The following ART3 variants were observed in gnomAD, a reference collection of about 807,000 sequenced individuals.
The protein encoded by ART3 is ecto-ADP-ribosyltransferase 3.
In ART3, 49 loss-of-function variants were observed where a neutral mutation model predicts 48.5. That is an observed-to-expected ratio of 1.01 (90% CI 0.80 to 1.28). The LOEUF (loss-of-function observed/expected upper bound fraction) is 1.28, where lower values mean the gene tolerates loss of function less well. Ranked by LOEUF, ART3 falls within the 50% of genes most tolerant of loss-of-function variation. The probability of loss-of-function intolerance (pLI) is 0.00; values close to 1 mark genes in which losing one functional copy is unlikely to be tolerated. For missense variants in ART3, 438 were observed against 454.3 expected, an observed-to-expected ratio of 0.96 and a Z score of 0.33; for synonymous variants, 145 against 157.2, an observed-to-expected ratio of 0.92 and a Z score of 0.58.
At chr4:76,040,219 C>A (rs923905564) in intron 1 of ART3, among the ~76,000 whole-genome samples, 18 of 152,090 alleles carry the variant, frequency 1.2e-4, no homozygotes, top group African/African-American at 4.3e-4. Context: ...CAGCTACTTG[C>A]AAGGTTGAGG....
At chr4:76,041,018 A>G (rs1041279945) in intron 1 of ART3, 1 of 152,114 alleles carries the variant, frequency 6.6e-6, no homozygotes, top group African/African-American at 2.4e-5. Context: ...TCATTTATTC[A>G]TTTACTCATT....
intron 3 of ART3, among the ~76,000 whole-genome samples, chr4:76,091,766 C>CT (rs1163901830): frequency 6.7e-6 from 1 of 149,938 alleles, no homozygotes; most frequent in East Asian, 2.0e-4. Context: ...ACTGCAACCT[C>CT]TGCTTCCTGG....
chr4:76,027,299 G>A (rs1297454185), intron 1 of ART3, among the ~76,000 whole-genome samples: 2 of 152,090 alleles, frequency 1.3e-5, no homozygotes, highest in African/African-American at 4.8e-5. Context: ...AGTACCAAAT[G>A]AGTGGTATAG....
chr4:76,106,800 C>T (rs527899147), intron 10 of ART3, among the ~76,000 whole-genome samples: 36 of 152,248 alleles, frequency 2.4e-4, no homozygotes, highest in Admixed American at 2.1e-3. Context: ...CTTCTGGCTG[C>T]TTGTAGTTAG....
At chr4:76,028,838 T>C (rs1733637745) in intron 1 of ART3, among the ~76,000 whole-genome samples, 1 of 152,158 alleles carries the variant, frequency 6.6e-6, no homozygotes, top group South Asian at 2.1e-4. Context: ...CATCATGGCA[T>C]TGGAGGAGGC....
At chr4:76,059,470 G>A (rs1673687314) in intron 1 of ART3, among the ~76,000 whole-genome samples, 1 of 143,180 alleles carries the variant, frequency 7.0e-6, no homozygotes, top group African/African-American at 2.6e-5. Flanking sequence ...TAAAAAATCT[G>A]TTAAATTTAT....
chr4:76,086,059 T>TCCCCCC (rs67789570), intron 3 of ART3, among the ~76,000 whole-genome samples: 1 of 130,718 alleles, frequency 7.7e-6, no homozygotes, highest in African/African-American at 2.9e-5. Context: ...TCAACAAGAG[T>TCCCCCC]CCCCCCCCCC....
intron 1 of ART3, among the ~76,000 whole-genome samples, chr4:76,056,429 A>G (rs1238781794): frequency 6.6e-6 from 1 of 152,206 alleles, no homozygotes; most frequent in African/African-American, 2.4e-5. Flanking sequence ...GACTTTGAAC[A>G]TATTCTAAAA....
At chr4:76,057,172 A>G (rs1327473110) in intron 1 of ART3, among the ~76,000 whole-genome samples, 1 of 152,144 alleles carries the variant, frequency 6.6e-6, no homozygotes, top group Admixed American at 6.5e-5. Flanking sequence ...GATATGTGTT[A>G]TTATTAGTGA....
At chr4:76,048,221 A>G (rs955391252) in intron 1 of ART3, among the ~76,000 whole-genome samples, 11 of 151,888 alleles carry the variant, frequency 7.2e-5, no homozygotes, top group Admixed American at 7.2e-4. Flanking sequence ...TCCCTCAATG[A>G]AAAGAAAGCT....
At chr4:76,061,991 G>A (rs1578373856) in intron 1 of ART3, among the ~76,000 whole-genome samples, 1 of 152,242 alleles carries the variant, frequency 6.6e-6, no homozygotes, top group Admixed American at 6.5e-5. Flanking sequence ...AATAGTTTGA[G>A]GGTAGCCTTT....
intron 1 of ART3, chr4:76,035,927 C>T (rs749029946): frequency 1.2e-6 from 2 of 1,611,970 alleles, no homozygotes; most frequent in Admixed American, 3.3e-5. Context: ...TACTGCATAC[C>T]TTGAACAACT....
intron 1 of ART3, chr4:76,034,862 T>C: frequency 6.5e-6 from 10 of 1,529,424 alleles, no homozygotes; most frequent in Non-Finnish European, 9.0e-6. Context: ...CTGTTCTTGT[T>C]TCCCCCAGGA....
At chr4:76,015,539 G>C (rs1405126901) in intron 1 of ART3, among the ~76,000 whole-genome samples, 1 of 152,166 alleles carries the variant, frequency 6.6e-6, no homozygotes, top group African/African-American at 2.4e-5. Context: ...AAATTCAATA[G>C]CTGAAAGGCA....
At position 76,100,319 on chromosome 4, in the gene ART3, T is replaced by C. The variant is rs1449679764; in HGVS notation, c.876T>C (p.His292=). The C allele has an allele frequency of 3.7e-6, 6 of 1,612,476 alleles. No individual in the cohort carries two copies. In the Admixed American group the frequency reaches 6.7e-5, roughly 18 times the overall value. Residue 292 remains histidine, a splice_region_variant and synonymous_variant, in exon 6 of 12, where the codon CAT becomes CAC. Transcript: ENST00000355810. ...PGEKNQKLED[H]SEKNWKLEDH... Reference sequence around the variant, plus strand: ...AGAAAAACCAGAAGCTTGAAGACCATAGTAAGACATTTTTATAAATTCTGG... The same window carrying C: ...AGAAAAACCAGAAGCTTGAAGACCACAGTAAGACATTTTTATAAATTCTGG...
intron 1 of ART3, among the ~76,000 whole-genome samples, chr4:76,048,238 T>C (rs1354363021): frequency 6.6e-6 from 1 of 151,876 alleles, no homozygotes; most frequent in Non-Finnish European, 1.5e-5. Flanking sequence ...AGCTTGGACA[T>C]AAGGTATTTC....
intron 1 of ART3, among the ~76,000 whole-genome samples, chr4:76,042,646 T>C (rs1456898583): frequency 6.6e-6 from 1 of 152,032 alleles, no homozygotes; most frequent in African/African-American, 2.4e-5. Context: ...TTCCTTCTGA[T>C]GTTCGGATGT....
At chr4:76,091,027 G>C (rs552029884) in intron 3 of ART3, among the ~76,000 whole-genome samples, 1 of 152,058 alleles carries the variant, frequency 6.6e-6, no homozygotes, top group Admixed American at 6.5e-5. Context: ...TTTTTTGCCT[G>C]GCTTCTTTCA....
intron 1 of ART3, among the ~76,000 whole-genome samples, chr4:76,039,910 C>T (rs1432292110): frequency 1.3e-5 from 2 of 152,156 alleles, no homozygotes; most frequent in African/African-American, 2.4e-5. Flanking sequence ...ACAATTTTCT[C>T]CTTCAGTACT....
Sources: gnomAD v4.1 joint callset for allele counts (sites outside exome capture counted in the v4.1 genomes callset) on GRCh38, gnomAD v4.1.1 for gene constraint, MANE v1.5 for transcripts, NCBI Gene and HGNC (gene_info 2026-07-23, HGNC 2026-07-21) for gene names.